The following MBNL2 variants were observed in gnomAD, a reference collection of about 807,000 sequenced individuals.
MBNL2 encodes the protein muscleblind-like protein 2.
Under a neutral mutation model 41.9 loss-of-function variants are expected in MBNL2, and 17 were observed. The ratio of observed to expected loss-of-function variants is 0.41; its 90% CI spans 0.28 to 0.61. The LOEUF (loss-of-function observed/expected upper bound fraction) is 0.61. Ranked by LOEUF, MBNL2 falls within the 20% of genes least tolerant of loss-of-function variation. The pLI is 0.35. For missense variants in MBNL2, 336 were observed against 505.6 expected, an observed-to-expected ratio of 0.66 and a Z score of 3.22; for synonymous variants, 195 against 182.9, an observed-to-expected ratio of 1.07 and a Z score of -0.53.
chr13:97,291,531 G>T (rs1037344202), intron 2 of MBNL2, among the ~76,000 whole-genome samples: 1 of 152,056 alleles, frequency 6.6e-6, no homozygotes, highest in East Asian at 1.9e-4. Flanking sequence ...GATGTGTCAC[G>T]ACAGGTTATT....
intron 1 of MBNL2, among the ~76,000 whole-genome samples, chr13:97,253,252 A>G (rs570297083): frequency 1.2e-4 from 18 of 152,324 alleles, no homozygotes; most frequent in African/African-American, 4.3e-4. Flanking sequence ...ATCCATCCAT[A>G]TATCCATTTA....
At chr13:97,272,986 G>C (rs1415956757) in intron 1 of MBNL2, among the ~76,000 whole-genome samples, 1 of 152,230 alleles carries the variant, frequency 6.6e-6, no homozygotes, top group Admixed American at 6.5e-5. Context: ...TTACCTATAA[G>C]TATGAATAAA....
chr13:97,341,741 C>G (rs1437783386), intron 3 of MBNL2, among the ~76,000 whole-genome samples: 1 of 152,178 alleles, frequency 6.6e-6, no homozygotes, highest in Non-Finnish European at 1.5e-5. Context: ...CAATAATTTA[C>G]TCTTTTCTAT....
chr13:97,205,231 T>G, the MBNL2 span, among the ~76,000 whole-genome samples: 3 of 139,760 alleles, frequency 2.1e-5, no homozygotes, highest in African/African-American at 8.5e-5. Context: ...ATTAAAAATA[T>G]ATATATAAAT....
At chr13:97,229,980 A>G (rs1361666490) in intron 1 of MBNL2, among the ~76,000 whole-genome samples, 3 of 152,188 alleles carry the variant, frequency 2.0e-5, no homozygotes, top group Non-Finnish European at 4.4e-5. Context: ...AAGGAAAAAT[A>G]ATAGAACGCA....
chr13:97,188,712 A>T, the MBNL2 span, among the ~76,000 whole-genome samples: 1 of 151,402 alleles, frequency 6.6e-6, no homozygotes, highest in Non-Finnish European at 1.5e-5. Context: ...GCCCACCCTG[A>T]TTTCTTTTAG....
At chr13:97,269,899 A>G (rs1287165013) in intron 1 of MBNL2, among the ~76,000 whole-genome samples, 1 of 152,240 alleles carries the variant, frequency 6.6e-6, no homozygotes, top group Non-Finnish European at 1.5e-5. Context: ...AGAGAGAGGA[A>G]GCCTGAAAGT....
chr13:97,341,739 T>G (rs530645697), intron 3 of MBNL2, among the ~76,000 whole-genome samples: 2 of 152,336 alleles, frequency 1.3e-5, no homozygotes, highest in Non-Finnish European at 2.9e-5. Context: ...ATCAATAATT[T>G]ACTCTTTTCT....
intron 1 of MBNL2, among the ~76,000 whole-genome samples, chr13:97,240,850 G>C (rs747678641): frequency 5.3e-5 from 8 of 152,168 alleles, no homozygotes; most frequent in African/African-American, 1.9e-4. Flanking sequence ...AACGAGCTCC[G>C]TGATAGGCCA....
chr13:97,192,991 T>C, the MBNL2 span, among the ~76,000 whole-genome samples: 1 of 152,330 alleles, frequency 6.6e-6, no homozygotes, highest in Non-Finnish European at 1.5e-5. Flanking sequence ...GCTATTTTGA[T>C]GTGATAGCTT....
At chr13:97,175,282 A>G in the MBNL2 span, among the ~76,000 whole-genome samples, 2 of 151,890 alleles carry the variant, frequency 1.3e-5, no homozygotes, top group Non-Finnish European at 2.9e-5. Context: ...GGCTCTTCCT[A>G]CCCACTCCTA....
the MBNL2 span, among the ~76,000 whole-genome samples, chr13:97,158,139 A>G: frequency 1.3e-5 from 2 of 151,554 alleles, no homozygotes; most frequent in Non-Finnish European, 1.5e-5. Flanking sequence ...TGTATGTGTC[A>G]AGGAATTTAT....
the MBNL2 span, among the ~76,000 whole-genome samples, chr13:97,142,019 GAGA>G: frequency 6.6e-6 from 1 of 151,960 alleles, no homozygotes; most frequent in East Asian, 1.9e-4. Context: ...CTGAACCAGA[GAGA>G]AGGTTAATTT....
At chr13:97,263,063 A>C (rs1389562428) in intron 1 of MBNL2, among the ~76,000 whole-genome samples, 3 of 152,108 alleles carry the variant, frequency 2.0e-5, no homozygotes, top group African/African-American at 7.2e-5. Context: ...CTGGGATTAC[A>C]GGCTTGAGCT....
chr13:97,156,818 A>G, the MBNL2 span, among the ~76,000 whole-genome samples: 1 of 151,912 alleles, frequency 6.6e-6, no homozygotes, highest in African/African-American at 2.4e-5. Context: ...ATAGTTTGAA[A>G]TCAGGTATTG....
rs189100531 is a variant in MBNL2 at position 97,255,822 on chromosome 13, C to T, written c.-604-19810C>T. Among the ~76,000 whole-genome samples the T allele has an allele frequency of 7.8e-3, 1,184 of 152,332 alleles. 4 individuals are homozygous for T. The highest frequency in any genetic ancestry group is 0.013 in the Non-Finnish European group (881 of 68,026). On this transcript the variant is annotated intron_variant, in intron 1 of 8. Coordinates refer to ENST00000679496, the MANE Select transcript of MBNL2 (RefSeq NM_001382683.1). Reference sequence around the variant, plus strand: ...TCCATAATCTACCTACTGACTTGCACATCCACTCACTCTTGGTAACTAAAG... The same window carrying T: ...TCCATAATCTACCTACTGACTTGCATATCCACTCACTCTTGGTAACTAAAG...
chr13:97,216,156 T>A, the MBNL2 span, among the ~76,000 whole-genome samples: 1 of 148,272 alleles, frequency 6.7e-6, no homozygotes, highest in African/African-American at 2.6e-5. Flanking sequence ...CACCATAACT[T>A]TTTTTTTCTG....
intron 1 of MBNL2, among the ~76,000 whole-genome samples, chr13:97,264,780 G>A (rs1426708360): frequency 6.6e-6 from 1 of 152,220 alleles, no homozygotes; most frequent in African/African-American, 2.4e-5. Context: ...ACAAAGGTCA[G>A]CTGAAAGTGG....
At chr13:97,380,542 CA>C (rs1376001529) in intron 8 of MBNL2, among the ~76,000 whole-genome samples, 5 of 151,900 alleles carry the variant, frequency 3.3e-5, no homozygotes, top group African/African-American at 4.8e-5. Context: ...GAGCCATGTA[CA>C]GTTCAGAATT....
Sources: gnomAD v4.1 joint callset for allele counts (sites outside exome capture counted in the v4.1 genomes callset) on GRCh38, gnomAD v4.1.1 for gene constraint, MANE v1.5 for transcripts, NCBI Gene and HGNC (gene_info 2026-07-23, HGNC 2026-07-21) for gene names.